MAGI2: variants seen among roughly 807,000 people sequenced by gnomAD.
MAGI2 encodes the protein membrane associated guanylate kinase, WW and PDZ domain containing 2.
MAGI2 carries 35 observed loss-of-function variants against 133.3 expected under a neutral mutation model. The ratio of observed to expected loss-of-function variants is 0.26; its 90% CI spans 0.20 to 0.35. The LOEUF (loss-of-function observed/expected upper bound fraction) is 0.35. MAGI2 is among the 10% of genes least tolerant of loss of function. The pLI, the probability that MAGI2 is intolerant of heterozygous loss-of-function variation, is 1.00. For missense variants in MAGI2, 1,636 were observed against 1,863.4 expected, an observed-to-expected ratio of 0.88 and a Z score of 2.25; for synonymous variants, 729 against 710.6, an observed-to-expected ratio of 1.03 and a Z score of -0.41.
chr7:78,679,426 T>C (rs1367643499), intron 2 of MAGI2, among the ~76,000 whole-genome samples: 1 of 152,170 alleles, frequency 6.6e-6, no homozygotes, highest in Non-Finnish European at 1.5e-5. Flanking sequence ...TTAGCAAATA[T>C]TTGTTAGGTA....
chr7:78,911,341 C>A (rs1420285387), intron 2 of MAGI2, among the ~76,000 whole-genome samples: 1 of 152,082 alleles, frequency 6.6e-6, no homozygotes, highest in Non-Finnish European at 1.5e-5. Context: ...TGTTGAAATT[C>A]TAACCCCAAG....
At chr7:79,357,060 G>T (rs1842067753) in intron 1 of MAGI2, among the ~76,000 whole-genome samples, 1 of 152,076 alleles carries the variant, frequency 6.6e-6, no homozygotes, top group Non-Finnish European at 1.5e-5. Flanking sequence ...GATGCTCAAG[G>T]TTATTTTACT....
At chr7:79,056,557 G>T (rs1305440796) in intron 1 of MAGI2, among the ~76,000 whole-genome samples, 1 of 152,118 alleles carries the variant, frequency 6.6e-6, no homozygotes, top group Non-Finnish European at 1.5e-5. Context: ...TACTTGCACA[G>T]AGTATCACAG....
Position 78,687,969 on chromosome 7 carries a change from T to TAAAAAAAAAAAAAAAAAAAAAAAAAAAA in MAGI2, c.419-60758_419-60731dup, listed in dbSNP as rs72030909. Among the ~76,000 whole-genome samples the TAAAAAAAAAAAAAAAAAAAAAAAAAAAA allele has an allele frequency of 5.1e-4, 34 of 67,244 alleles. 1 individual carries two copies. The highest frequency in any genetic ancestry group is 7.8e-4 in the South Asian group (1 of 1,278). 44.1% of individuals were successfully genotyped at this position (67,244 alleles called of 152,430 possible). A position where few individuals can be genotyped will look rare whatever the true frequency, so the allele number is the denominator to read the frequency against. ...TGGGCAAGAGAGTGAGTCCTTGCCT[T>TAAAAAAAAAAAAAAAAAAAAAAAAAAAA]AAAAAAAAAAAAAAAAAAAAAAAAA... On this transcript the variant is annotated intron_variant, in intron 2 of 21. Transcript: ENST00000354212.
At chr7:79,389,090 T>TGAGAA (rs1844416371) in intron 1 of MAGI2, among the ~76,000 whole-genome samples, 4 of 152,010 alleles carry the variant, frequency 2.6e-5, no homozygotes, top group African/African-American at 9.7e-5. Context: ...TTAAGATTTC[T>TGAGAA]TGAGATGTTG....
chr7:79,066,145 C>A (rs1327763701), intron 1 of MAGI2, among the ~76,000 whole-genome samples: 1 of 152,136 alleles, frequency 6.6e-6, no homozygotes, highest in Non-Finnish European at 1.5e-5. Context: ...TAGTGTCTGC[C>A]ACAATGGTTG....
intron 2 of MAGI2, among the ~76,000 whole-genome samples, chr7:78,994,409 A>T (rs1467911431): frequency 7.9e-5 from 12 of 152,078 alleles, no homozygotes; most frequent in Admixed American, 7.9e-4. Context: ...GCTTCTGAAG[A>T]GCAGTTATGG....
At chr7:78,819,319 A>G (rs935981842) in intron 2 of MAGI2, among the ~76,000 whole-genome samples, 1 of 152,112 alleles carries the variant, frequency 6.6e-6, no homozygotes, top group Non-Finnish European at 1.5e-5. Flanking sequence ...TGACTCTTGT[A>G]TGTAAATTTG....
chr7:78,569,187 C>T (rs546591457), intron 3 of MAGI2, among the ~76,000 whole-genome samples: 3 of 152,184 alleles, frequency 2.0e-5, no homozygotes, highest in Admixed American at 6.5e-5. Context: ...GAGCCCTTAT[C>T]GCCACCTGAC....
rs559365551 is a variant in MAGI2, at chr7:78,614,620, A to T, written c.538+12500T>A. On this transcript the variant is annotated intron_variant, in intron 3 of 21. Coordinates refer to ENST00000354212, the MANE Select transcript of MAGI2 (RefSeq NM_012301.4). ...CTTAGAATGTTTTAGGCATGTAAGA[A>T]CATTGTCAGGTTTGTTTGCATTTAT... The T allele has an allele frequency of 3.5e-3, 539 of 152,326 alleles. 6 individuals carry two copies. The highest frequency in any genetic ancestry group is 0.012 in the African/African-American group (515 of 41,580). The allele number at this position is 152,326 out of a possible 1,614,324, so 9.4% of individuals were successfully genotyped here.
chr7:78,835,120 A>G (rs1321787489), intron 2 of MAGI2, among the ~76,000 whole-genome samples: 1 of 152,218 alleles, frequency 6.6e-6, no homozygotes, highest in African/African-American at 2.4e-5. Context: ...TAGGTCATAT[A>G]GTAACTCTAT....
chr7:78,273,978 C>T lies in MAGI2; in HGVS notation c.1409-17397G>A, dbSNP rs141866526. On this transcript the variant is annotated intron_variant, in intron 9 of 21. Coordinates refer to ENST00000354212, the MANE Select transcript of MAGI2 (RefSeq NM_012301.4). ...TTCTCCACCCAGTTTTCTTCCCTTG[C>T]TGGCGAGGAGTTGTGATCCTTTGGA... is the stretch of plus-strand genomic sequence containing the variant. Among the ~76,000 whole-genome samples, 345 of 152,254 alleles carry T rather than the reference C, an allele frequency of 2.3e-3. 1 individual carries two copies. Among genetic ancestry groups the T allele is most frequent in the African/African-American group, 7.9e-3 (327 of 41,554 alleles).
intron 1 of MAGI2, among the ~76,000 whole-genome samples, chr7:79,181,259 C>T (rs557644251): frequency 6.1e-4 from 93 of 152,128 alleles, no homozygotes; most frequent in Admixed American, 1.7e-3. Context: ...CATGAGGGCC[C>T]TGCCACTGCA....
chr7:78,183,266 G>A (rs992981422), intron 13 of MAGI2, among the ~76,000 whole-genome samples: 3 of 140,996 alleles, frequency 2.1e-5, no homozygotes, highest in African/African-American at 7.7e-5. Flanking sequence ...TTGTATTTTT[G>A]TATTTTTTTT....
intron 2 of MAGI2, among the ~76,000 whole-genome samples, chr7:78,915,417 T>C (rs1798711378): frequency 6.6e-6 from 1 of 152,118 alleles, no homozygotes; most frequent in Admixed American, 6.6e-5. Context: ...TAGAGTTCTA[T>C]TTTAACATTC....
At chr7:79,195,237 T>C (rs1827980599) in intron 1 of MAGI2, among the ~76,000 whole-genome samples, 2 of 151,998 alleles carry the variant, frequency 1.3e-5, no homozygotes, top group Admixed American at 1.3e-4. Context: ...CACTGACTAA[T>C]GTGGTGTTAA....
intron 9 of MAGI2, among the ~76,000 whole-genome samples, chr7:78,316,518 T>C (rs1584847340): frequency 6.6e-6 from 1 of 152,238 alleles, no homozygotes; most frequent in South Asian, 2.1e-4. Flanking sequence ...TATTTGTATG[T>C]GATAAAACAG....
chr7:79,348,005 A>G (rs991549687), intron 1 of MAGI2, among the ~76,000 whole-genome samples: 22 of 151,960 alleles, frequency 1.4e-4, no homozygotes, highest in Admixed American at 1.2e-3. Context: ...AAATCTGATT[A>G]TAAAGCAAAC....
In MAGI2 at chr7:78,480,488, A is replaced by G. The variant is rs61226192; in HGVS notation, c.1045+9273T>C. ...CACATAGACACAAAAATCCTCAATAAAATATTACCAAGTTAAATAAAACAG... is the reference window on the plus strand; with the variant it reads ...CACATAGACACAAAAATCCTCAATAGAATATTACCAAGTTAAATAAAACAG... On this transcript the variant is annotated intron_variant, in intron 6 of 21. Coordinates refer to ENST00000354212, the MANE Select transcript of MAGI2 (RefSeq NM_012301.4). Among the ~76,000 whole-genome samples the G allele has an allele frequency of 4.3e-3, 659 of 152,002 alleles. 4 individuals are homozygous for G. Among genetic ancestry groups the G allele is most frequent in the African/African-American group, 0.015 (619 of 41,522 alleles).
Sources: allele counts gnomAD v4.1 joint callset (sites outside exome capture counted in the v4.1 genomes callset), GRCh38; gene constraint gnomAD v4.1.1; transcripts MANE v1.5; gene names NCBI Gene and HGNC (gene_info 2026-07-23, HGNC 2026-07-21).